Variants in RBFOX1 observed in about 807,000 individuals in gnomAD.
The protein encoded by RBFOX1 is RNA binding fox-1 homolog 1.
Under a neutral mutation model 57.7 loss-of-function variants are expected in RBFOX1, and 8 were observed. The ratio of observed to expected loss-of-function variants is 0.14; its 90% CI spans 0.08 to 0.25. The LOEUF is 0.25. Ranked by LOEUF, RBFOX1 falls within the 10% of genes least tolerant of loss-of-function variation. The pLI is 1.00. For synonymous variants in RBFOX1, 326 were observed against 222.4 expected, an observed-to-expected ratio of 1.47 and a Z score of -4.15; for missense variants, 611 against 548.5, an observed-to-expected ratio of 1.11 and a Z score of -1.14.
At chr16:7,484,728 T>C (rs888091543) in intron 4 of RBFOX1, among the ~76,000 whole-genome samples, 6 of 152,206 alleles carry the variant, frequency 3.9e-5, no homozygotes, top group African/African-American at 1.4e-4. Context: ...CCTCCCAAAG[T>C]TCTGGGATGA....
chr16:6,491,075 T>C (rs952657580), intron 2 of RBFOX1, among the ~76,000 whole-genome samples: 2 of 152,150 alleles, frequency 1.3e-5, no homozygotes, highest in Non-Finnish European at 2.9e-5. Flanking sequence ...TCTATTAGTA[T>C]GCAGTACTAA....
At chr16:6,684,597 C>T (rs4786910) in intron 3 of RBFOX1, among the ~76,000 whole-genome samples, 74,336 of 151,976 alleles carry the variant, frequency 0.49, 21,943 homozygotes, top group Non-Finnish European at 0.64. Context: ...AGGAAGCCAG[C>T]TGATTCTGTG....
chr16:5,416,128 G>A (rs1337394851), intron 1 of RBFOX1, among the ~76,000 whole-genome samples: 1 of 152,196 alleles, frequency 6.6e-6, no homozygotes, highest in East Asian at 1.9e-4. Context: ...TTGACATGAA[G>A]CCTTCACTCT....
At chr16:6,799,480 G>C (rs2084855939) in intron 3 of RBFOX1, among the ~76,000 whole-genome samples, 1 of 152,112 alleles carries the variant, frequency 6.6e-6, no homozygotes, top group East Asian at 1.9e-4. Flanking sequence ...TTAATATTAG[G>C]TGTTAACTTG....
intron 3 of RBFOX1, among the ~76,000 whole-genome samples, chr16:6,969,701 G>A (rs1328272349): frequency 6.6e-6 from 1 of 152,092 alleles, no homozygotes; most frequent in African/African-American, 2.4e-5. Flanking sequence ...CTGAAATAGT[G>A]CCACCTCACT....
chr16:7,001,206 C>T (rs973585152), intron 3 of RBFOX1, among the ~76,000 whole-genome samples: 4 of 152,018 alleles, frequency 2.6e-5, no homozygotes, highest in African/African-American at 4.8e-5. Context: ...TCTAAATGTC[C>T]ATTCTGAAGC....
intron 1 of RBFOX1, among the ~76,000 whole-genome samples, chr16:5,452,217 C>G (rs1329521714): frequency 6.7e-6 from 1 of 148,822 alleles, no homozygotes; most frequent in African/African-American, 2.5e-5. Context: ...TTCTCGGGTT[C>G]AAACGATCCT....
chr16:7,404,180 G>A (rs1376567547), intron 4 of RBFOX1, among the ~76,000 whole-genome samples: 2 of 151,876 alleles, frequency 1.3e-5, no homozygotes, highest in Non-Finnish European at 2.9e-5. Context: ...AGCCTCCTGA[G>A]TAGCTGTGAT....
At chr16:6,009,913 A>G (rs1286594294) in intron 4 of RBFOX1, among the ~76,000 whole-genome samples, 1 of 151,964 alleles carries the variant, frequency 6.6e-6, no homozygotes, top group Admixed American at 6.6e-5. Flanking sequence ...GGAGCCCAGC[A>G]TCTGGATTTT....
chr16:7,382,538 T>A (rs2097797037), intron 4 of RBFOX1, among the ~76,000 whole-genome samples: 1 of 152,228 alleles, frequency 6.6e-6, no homozygotes. Context: ...GGAAATGGCA[T>A]AACTCACCGA....
chr16:5,976,594 C>T (rs556004952), intron 4 of RBFOX1, among the ~76,000 whole-genome samples: 2 of 152,158 alleles, frequency 1.3e-5, no homozygotes, highest in African/African-American at 4.8e-5. Flanking sequence ...TGAGGCCAGG[C>T]ACAGTGGCTC....
chr16:6,594,683 C>G (rs1291495942), intron 2 of RBFOX1, among the ~76,000 whole-genome samples: 1 of 101,656 alleles, frequency 9.8e-6, no homozygotes, highest in Non-Finnish European at 2.1e-5. Flanking sequence ...ACCCAGCACG[C>G]TCATCTTTGT....
At chr16:5,333,283 C>T (rs752572664) in intron 1 of RBFOX1, among the ~76,000 whole-genome samples, 8 of 152,188 alleles carry the variant, frequency 5.3e-5, no homozygotes, top group Non-Finnish European at 1.0e-4. Context: ...AAATTTGGTT[C>T]AAGTCCTGCT....
chr16:5,583,715 G>A lies in RBFOX1; in HGVS notation c.259-15187G>A, dbSNP rs774244774. Among the ~76,000 whole-genome samples the A allele has an allele frequency of 8.5e-5, 13 of 152,316 alleles. No individual in the cohort carries two copies. The South Asian group carries it at 1.7e-3, about 19-fold the overall frequency. On this transcript the variant is annotated intron_variant, in intron 2 of 2. Transcript: ENST00000585867. ...AGAGCTAAGATTTATTGGGCTTTTA[G>A]GATTGTCTCATTTTAGGATTGTCCT...
chr16:7,452,063 C>G (rs181307194), intron 4 of RBFOX1, among the ~76,000 whole-genome samples: 17 of 152,220 alleles, frequency 1.1e-4, no homozygotes, highest in African/African-American at 3.9e-4. Context: ...GGCTACAAAG[C>G]AATTGGATAC....
intron 4 of RBFOX1, among the ~76,000 whole-genome samples, chr16:5,974,356 C>T (rs531051713): frequency 6.6e-6 from 1 of 152,344 alleles, no homozygotes; most frequent in South Asian, 2.1e-4. Context: ...CACCTGTAAT[C>T]CCAGCACGTT....
chr16:7,182,696 G>C (rs1053885443), intron 4 of RBFOX1, among the ~76,000 whole-genome samples: 1 of 152,098 alleles, frequency 6.6e-6, no homozygotes, highest in African/African-American at 2.4e-5. Flanking sequence ...GCAAAGACCA[G>C]GAAAGGGATC....
intron 2 of RBFOX1, among the ~76,000 whole-genome samples, chr16:6,463,904 G>A (rs550736581): frequency 2.3e-4 from 35 of 152,104 alleles, no homozygotes; most frequent in African/African-American, 8.0e-4. Flanking sequence ...AATCAATCCT[G>A]CAGGAACCAC....
chr16:5,527,772 CG>C (rs2044302637), intron 2 of RBFOX1, among the ~76,000 whole-genome samples: 1 of 152,096 alleles, frequency 6.6e-6, no homozygotes. Flanking sequence ...ATCTAAGGGA[CG>C]ATCTTTGAGA....
Sources: allele counts gnomAD v4.1 joint callset (sites outside exome capture counted in the v4.1 genomes callset), GRCh38; gene constraint gnomAD v4.1.1; transcripts MANE v1.5; gene names NCBI Gene and HGNC (gene_info 2026-07-23, HGNC 2026-07-21).